Variants in MBLAC2 observed in about 807,000 individuals in gnomAD.
The protein encoded by MBLAC2 is acyl-coenzyme A thioesterase MBLAC2.
Under a neutral mutation model 23.3 loss-of-function variants are expected in MBLAC2, and 24 were observed. The ratio of observed to expected loss-of-function variants is 1.03; its 90% CI spans 0.75 to 1.45. MBLAC2 has a LOEUF of 1.45. Ranked by LOEUF, MBLAC2 falls within the 40% of genes most tolerant of loss-of-function variation. The pLI, the probability that MBLAC2 is intolerant of heterozygous loss-of-function variation, is 0.00. For synonymous variants in MBLAC2, 162 were observed against 150.9 expected, an observed-to-expected ratio of 1.07 and a Z score of -0.54; for missense variants, 358 against 370.0, an observed-to-expected ratio of 0.97 and a Z score of 0.27.
chr5:90,466,547 C>T (rs930361971), intron 1 of MBLAC2, among the ~76,000 whole-genome samples: 4 of 151,972 alleles, frequency 2.6e-5, no homozygotes, highest in African/African-American at 9.7e-5. Flanking sequence ...TAAAAAGACA[C>T]CATTAAGAAT....
At chr5:90,462,022 T>G (rs1006772096) in intron 1 of MBLAC2, among the ~76,000 whole-genome samples, 2 of 152,226 alleles carry the variant, frequency 1.3e-5, no homozygotes, top group African/African-American at 4.8e-5. Flanking sequence ...TTGACACAAT[T>G]AATGAATGTT....
At chr5:90,464,077 A>G (rs1413499442) in intron 1 of MBLAC2, among the ~76,000 whole-genome samples, 2 of 152,212 alleles carry the variant, frequency 1.3e-5, no homozygotes, top group Non-Finnish European at 2.9e-5. Flanking sequence ...AAGCAAATAA[A>G]TTGATTAACA....
At chr5:90,467,292 C>G (rs1357844342) in intron 1 of MBLAC2, among the ~76,000 whole-genome samples, 2 of 152,052 alleles carry the variant, frequency 1.3e-5, no homozygotes, top group African/African-American at 4.8e-5. Context: ...ATTAAAGTCC[C>G]CCAGTATTAT....
At position 90,474,038 on chromosome 5, in the gene MBLAC2, G is replaced by A. The variant is rs1332556866; in HGVS notation, c.255C>T (p.His85=). ...RPLLAVATHV[H]FDHSGGLYQF... ...GGTAGAGGCCGCCGGAGTGGTCGAA[G>A]TGCACGTGGGTGGCCACGGCAAGCA... Residue 85 remains histidine (H), a synonymous_variant, in exon 1 of 2, where the codon CAC becomes CAT. Transcript: ENST00000316610. 6.3e-7 allele frequency: 1 copy of A among 1,590,834 alleles called. No homozygotes were observed. Among genetic ancestry groups the A allele is most frequent in the Admixed American group, 1.8e-5 (1 of 55,110 alleles).
intron 1 of MBLAC2, among the ~76,000 whole-genome samples, 165 bp from the exon 2 acceptor site, chr5:90,461,717 T>C (rs1258323869): frequency 6.6e-6 from 1 of 152,232 alleles, no homozygotes; most frequent in Non-Finnish European, 1.5e-5. Flanking sequence ...TGCCTATAGT[T>C]CATTCCTATT....
At chr5:90,472,258 G>C (rs2151892858) in intron 1 of MBLAC2, among the ~76,000 whole-genome samples, 2 of 152,202 alleles carry the variant, frequency 1.3e-5, no homozygotes, top group East Asian at 3.9e-4. Context: ...TTTGATCCGG[G>C]TGTCAGAATT....
intron 1 of MBLAC2, among the ~76,000 whole-genome samples, chr5:90,464,867 T>C (rs1750422799): frequency 6.6e-6 from 1 of 152,180 alleles, no homozygotes; most frequent in Non-Finnish European, 1.5e-5. Context: ...AAACTAGGAA[T>C]AGTTGGGGAA....
chr5:90,461,099 T>C lies in MBLAC2; in HGVS notation c.*68A>G. 7.8e-7 allele frequency: 1 copy of C among 1,281,624 alleles called. No homozygotes were observed. The highest frequency in any genetic ancestry group is 2.6e-5 in the East Asian group (1 of 39,084). 79.4% of individuals were successfully genotyped at this position (1,281,624 alleles called of 1,614,324 possible). On this transcript the variant is annotated 3_prime_UTR_variant, in exon 2 of 2. Transcript: ENST00000316610. ...AAGCACTTCATGAAATGCTCACTAT[T>C]AATCAGTTAAATAGCACAGAATGAA... is the stretch of plus-strand genomic sequence containing the variant.
At position 90,463,248 on chromosome 5, in the gene MBLAC2, T is replaced by C. The variant is rs2151891415; in HGVS notation, c.455-1696A>G. On this transcript the variant is annotated intron_variant, in intron 1 of 1. Transcript: ENST00000316610. ...ACAGGCGTGTGCCATCACGCCTGGC[T>C]AATTTTTATATTTTTAGTAGAGACA... Among the ~76,000 whole-genome samples, 2 of 152,352 alleles carry C rather than the reference T, an allele frequency of 1.3e-5. 1 individual carries two copies. Among genetic ancestry groups the C allele is most frequent in the South Asian group, 4.1e-4 (2 of 4,830 alleles).
rs1297339067 is a variant in MBLAC2 at position 90,474,092 on chromosome 5, C to T, written c.201G>A (p.Glu67=). ...GCCGGCGCGCCGCGTCCTCTTTGGC[C>T]TCTCGGTCCTGCAAGAGGCCGGAGG... ...LYSSGLLQDR[E]AKEDAARRPL... Residue 67 remains glutamate (E), a synonymous_variant, in exon 1 of 2, where the codon GAG becomes GAA. Coordinates refer to ENST00000316610, the MANE Select transcript of MBLAC2 (RefSeq NM_203406.2). 1.3e-6 allele frequency: 2 copies of T among 1,574,856 alleles called. No homozygotes were observed.
At chr5:90,463,942 G>C (rs183630897) in intron 1 of MBLAC2, among the ~76,000 whole-genome samples, 1 of 152,168 alleles carries the variant, frequency 6.6e-6, no homozygotes, top group East Asian at 1.9e-4. Context: ...AGGAGAATAA[G>C]GGAATATTAT....
chr5:90,463,567 T>A (rs1416833470), intron 1 of MBLAC2, among the ~76,000 whole-genome samples: 2 of 152,126 alleles, frequency 1.3e-5, no homozygotes, highest in African/African-American at 4.8e-5. Context: ...AATCAAAACA[T>A]ATCAAAATGT....
At chr5:90,473,778 C>T in intron 1 of MBLAC2, 61 bp downstream of exon 1, 1 of 1,473,438 alleles carries the variant, frequency 6.8e-7, no homozygotes, top group East Asian at 2.5e-5. Context: ...ATGCGGCACT[C>T]GGACAGTCTC....
chr5:90,474,072 C>A lies in MBLAC2; in HGVS notation c.221G>T (p.Arg74Leu), dbSNP rs757079295. The change falls in exon 1 of 2, where the codon CGC (arginine) becomes CTC (leucine). Residue 74 changes from arginine (R) to leucine (L), a missense_variant. Physicochemically the swap from Arg to Leu is moderately radical, Grantham distance 102. Coordinates refer to ENST00000316610, the MANE Select transcript of MBLAC2 (RefSeq NM_203406.2). ...GGTGGCCACGGCAAGCAGTGGCCGG[C>A]GCGCCGCGTCCTCTTTGGCCTCTCG... ...QDREAKEDAA[R>L]RPLLAVATHV... 1.3e-6 allele frequency: 2 copies of A among 1,575,974 alleles called. No individual in the cohort carries two copies. Among genetic ancestry groups the A allele is most frequent in the Non-Finnish European group, 1.7e-6 (2 of 1,161,270 alleles).
chr5:90,469,550 T>C (rs1750509528), intron 1 of MBLAC2, among the ~76,000 whole-genome samples: 1 of 152,186 alleles, frequency 6.6e-6, no homozygotes, highest in Non-Finnish European at 1.5e-5. Context: ...ATGCAATAGC[T>C]TGTCTTATCC....
chr5:90,467,268 T>C (rs528328785), intron 1 of MBLAC2, among the ~76,000 whole-genome samples: 1 of 152,272 alleles, frequency 6.6e-6, no homozygotes, highest in Non-Finnish European at 1.5e-5. Context: ...TCTAGTACTG[T>C]CGACAAGTGG....
In MBLAC2 at chr5:90,474,020, G is replaced by A. The variant is rs778910592; in HGVS notation, c.273C>T (p.Gly91=). 82 of 1,595,376 alleles carry A rather than the reference G, an allele frequency of 5.1e-5. No individual in the cohort carries two copies. Among genetic ancestry groups the A allele is most frequent in the South Asian group, 4.5e-5 (4 of 88,200 alleles). Residue 91 remains glycine, a synonymous_variant, in exon 1 of 2, where the codon GGC becomes GGT. Transcript: ENST00000316610. The part of the protein sequence containing the change: ...ATHVHFDHSG[G]LYQFDRVAVH... ...CTGCCACGCGGTCGAACTGGTAGAG[G>A]CCGCCGGAGTGGTCGAAGTGCACGT... is the stretch of plus-strand genomic sequence containing the variant.
intron 1 of MBLAC2, among the ~76,000 whole-genome samples, chr5:90,467,509 T>A (rs539449838): frequency 6.6e-6 from 1 of 152,330 alleles, no homozygotes; most frequent in South Asian, 2.1e-4. Flanking sequence ...TTACCTTTGG[T>A]GTCCATATGC....
chr5:90,468,353 C>T (rs146465135), intron 1 of MBLAC2, among the ~76,000 whole-genome samples: 6 of 152,196 alleles, frequency 3.9e-5, no homozygotes, highest in East Asian at 1.9e-4. Flanking sequence ...GGACATTTAA[C>T]GTAGCCCCGG....
Sources: allele counts gnomAD v4.1 joint callset (sites outside exome capture counted in the v4.1 genomes callset), GRCh38; gene constraint gnomAD v4.1.1; transcripts MANE v1.5; gene names NCBI Gene and HGNC (gene_info 2026-07-23, HGNC 2026-07-21).